The following PEAK1 variants were observed in gnomAD, a reference collection of about 807,000 sequenced individuals.
PEAK1 encodes inactive tyrosine-protein kinase PEAK1.
A neutral mutation model predicts 124.7 loss-of-function variants in PEAK1; 54 were observed. The ratio of observed to expected loss-of-function variants is 0.43; its 90% CI spans 0.35 to 0.54. The LOEUF is 0.54. PEAK1 is among the 20% of genes least tolerant of loss of function. The probability of loss-of-function intolerance (pLI) is 0.01; values close to 1 mark genes in which losing one functional copy is unlikely to be tolerated. For missense variants in PEAK1, 2,046 were observed against 2,134.5 expected (o/e 0.96, Z 0.82); for synonymous variants, 719 against 760.0 (o/e 0.95, Z 0.89).
At chr15:77,151,910 G>GTA (rs1489214114) in intron 8 of PEAK1, among the ~76,000 whole-genome samples, 12 of 152,158 alleles carry the variant, frequency 7.9e-5, no homozygotes, top group Non-Finnish European at 1.5e-4. Context: ...TTTGGTTACT[G>GTA]TAGCCTTGTA....
chr15:77,135,805 T>C (rs1248296298), intron 8 of PEAK1, among the ~76,000 whole-genome samples: 2 of 152,224 alleles, frequency 1.3e-5, no homozygotes, highest in Non-Finnish European at 2.9e-5. Flanking sequence ...CTCTCTGCCA[T>C]GATTGTGAGG....
At chr15:77,290,050 C>T (rs1486709758) in intron 2 of PEAK1, among the ~76,000 whole-genome samples, 1 of 152,150 alleles carries the variant, frequency 6.6e-6, no homozygotes, top group Non-Finnish European at 1.5e-5. Context: ...TCACCGCAAC[C>T]TCTGCCTCCC....
At chr15:77,306,741 T>C (rs2064128433) in intron 2 of PEAK1, among the ~76,000 whole-genome samples, 1 of 152,148 alleles carries the variant, frequency 6.6e-6, no homozygotes, top group South Asian at 2.1e-4. Flanking sequence ...AAACTCTCCA[T>C]AACTTGATGC....
At position 77,181,369 on chromosome 15, in the gene PEAK1, T is replaced by C. The variant is rs756733737; in HGVS notation, c.558A>G (p.Arg186=). ...FLGRINDCYK[R]SLERKLPPSC... ...TTGGTGGAAGCTTTCTTTCCAATGA[T>C]CGTTTATAGCAATCATTTATTCTTC... Residue 186 remains arginine, a synonymous_variant, in exon 7 of 10, where the codon CGA becomes CGG. Coordinates refer to ENST00000682557, the MANE Select transcript of PEAK1 (RefSeq NM_001385026.1). 16 of 1,614,070 alleles carry C rather than the reference T, an allele frequency of 9.9e-6. No homozygotes were observed. The highest frequency in any genetic ancestry group is 9.3e-6 in the Non-Finnish European group (11 of 1,180,028).
At chr15:77,357,087 G>C (rs1455033352) in intron 2 of PEAK1, among the ~76,000 whole-genome samples, 1 of 152,134 alleles carries the variant, frequency 6.6e-6, no homozygotes, top group Non-Finnish European at 1.5e-5. Flanking sequence ...GACAACGTAA[G>C]AGGACCCACT....
intron 5 of PEAK1, chr15:77,278,346 CAA>C (rs903141287): frequency 1.3e-5 from 3 of 225,668 alleles, no homozygotes; most frequent in African/African-American, 2.3e-5. Context: ...AAGCTAGATT[CAA>C]AAGAGTACAT....
At chr15:77,207,251 CAAA>C (rs1174074616) in intron 6 of PEAK1, among the ~76,000 whole-genome samples, 4 of 152,134 alleles carry the variant, frequency 2.6e-5, no homozygotes, top group Non-Finnish European at 5.9e-5. Flanking sequence ...CAACAAAAGA[CAAA>C]ATAACTTTAA....
At chr15:77,256,846 A>T (rs1013228379) in intron 5 of PEAK1, among the ~76,000 whole-genome samples, 1 of 151,976 alleles carries the variant, frequency 6.6e-6, no homozygotes, top group South Asian at 2.1e-4. Flanking sequence ...ATTTAGCATT[A>T]GCTATATCTC....
chr15:77,234,653 G>C (rs2060038744), intron 6 of PEAK1, among the ~76,000 whole-genome samples: 1 of 151,968 alleles, frequency 6.6e-6, no homozygotes, highest in Non-Finnish European at 1.5e-5. Flanking sequence ...GAGAGATACT[G>C]AGATTACAGA....
At position 77,400,016 on chromosome 15, in the gene PEAK1, A is replaced by T. The variant is rs529627169; in HGVS notation, c.-666+19990T>A. Among the ~76,000 whole-genome samples the T allele has an allele frequency of 3.3e-5, 5 of 152,334 alleles. No homozygotes were observed. The South Asian group carries it at 1.0e-3, about 32-fold the overall frequency. Reference sequence around the variant, plus strand: ...TAAAATGGGCAAAAGATCTCTATAGATATTTCTCAAAAGACATGCAAATGG... The same window carrying T: ...TAAAATGGGCAAAAGATCTCTATAGTTATTTCTCAAAAGACATGCAAATGG... On this transcript the variant is annotated intron_variant, in intron 1 of 9. Coordinates refer to ENST00000682557, the MANE Select transcript of PEAK1 (RefSeq NM_001385026.1).
chr15:77,255,220 T>C (rs2061072575), intron 5 of PEAK1: 2 of 329,100 alleles, frequency 6.1e-6, no homozygotes, highest in Non-Finnish European at 8.7e-6. Context: ...ATGCCCAAAA[T>C]TTAAAAATTG....
intron 7 of PEAK1, among the ~76,000 whole-genome samples, chr15:77,162,493 C>CAAAA (rs71143393): frequency 7.1e-5 from 5 of 70,438 alleles, no homozygotes; most frequent in East Asian, 6.7e-4. Flanking sequence ...GACTCCATCT[C>CAAAA]AAAAAAAAAA....
chr15:77,312,595 A>G (rs2064545141), intron 2 of PEAK1, among the ~76,000 whole-genome samples: 1 of 152,236 alleles, frequency 6.6e-6, no homozygotes, highest in African/African-American at 2.4e-5. Flanking sequence ...GGCTGGGCAG[A>G]CCAGGAATGG....
intron 1 of PEAK1, among the ~76,000 whole-genome samples, chr15:77,375,902 G>A (rs2068975909): frequency 6.6e-6 from 1 of 152,090 alleles, no homozygotes; most frequent in Non-Finnish European, 1.5e-5. Context: ...GGGAGGCTGA[G>A]GCAGGAGAAT....
At chr15:77,118,466 C>A (rs2051597713) in intron 9 of PEAK1, among the ~76,000 whole-genome samples, 1 of 151,974 alleles carries the variant, frequency 6.6e-6, no homozygotes, top group Non-Finnish European at 1.5e-5. Context: ...TAACAAATTT[C>A]TAGTTCAAAA....
intron 5 of PEAK1, among the ~76,000 whole-genome samples, chr15:77,276,906 A>G (rs766251621): frequency 2.6e-4 from 39 of 152,204 alleles, no homozygotes; most frequent in Admixed American, 1.3e-4. Flanking sequence ...AAAGGGAGCA[A>G]AAGTTTCTAT....
chr15:77,419,978 C>G (rs1200363178), intron 1 of PEAK1, 28 bp downstream of exon 1: 1 of 149,312 alleles, frequency 6.7e-6, no homozygotes, highest in African/African-American at 2.4e-5. Flanking sequence ...GACAACCGAG[C>G]GGACGCGGAC....
intron 7 of PEAK1, among the ~76,000 whole-genome samples, chr15:77,161,169 C>T (rs764454130): frequency 6.6e-6 from 1 of 152,232 alleles, no homozygotes; most frequent in Non-Finnish European, 1.5e-5. Context: ...ACAGGGCCTT[C>T]TCGAGTCTGT....
intron 1 of PEAK1, among the ~76,000 whole-genome samples, chr15:77,408,018 CAT>C (rs1261767197): frequency 1.3e-5 from 2 of 150,910 alleles, no homozygotes; most frequent in Non-Finnish European, 2.9e-5. Flanking sequence ...CACATATACA[CAT>C]ATATACACAC....
Sources: allele counts gnomAD v4.1 joint callset (sites outside exome capture counted in the v4.1 genomes callset), GRCh38; gene constraint gnomAD v4.1.1; transcripts MANE v1.5; gene names NCBI Gene and HGNC (gene_info 2026-07-23, HGNC 2026-07-21).